Variants in IRAK1BP1 observed in about 807,000 individuals in gnomAD.
The protein encoded by IRAK1BP1 is interleukin-1 receptor-associated kinase 1-binding protein 1.
In IRAK1BP1, 24 loss-of-function variants were observed where a neutral mutation model predicts 28.0. The ratio of observed to expected loss-of-function variants is 0.86; its 90% CI spans 0.62 to 1.20. IRAK1BP1 has a LOEUF of 1.20. Among genes scored for constraint, IRAK1BP1 ranks in the 50% most tolerant of loss-of-function variants. IRAK1BP1 has a pLI of 0.00. For synonymous variants in IRAK1BP1, 131 were observed against 116.3 expected (o/e 1.13, Z -0.81); for missense variants, 336 against 316.7 (o/e 1.06, Z -0.46).
Position 78,867,743 on chromosome 6 carries a change from G to C in IRAK1BP1, c.167G>C (p.Ser56Thr), listed in dbSNP as rs1387164297. ...AQTATREVQVSGTSEVSAGPD... is the reference protein window; with the variant it reads ...AQTATREVQVTGTSEVSAGPD... ...ACTGCTACCCGCGAGGTGCAAGTAAGCGGCACCTCAGAAGTGTCTGCGGGC... is the reference window on the plus strand; with the variant it reads ...ACTGCTACCCGCGAGGTGCAAGTAACCGGCACCTCAGAAGTGTCTGCGGGC... The change falls in exon 1 of 4, where the codon AGC becomes ACC. Residue 56 changes from serine to threonine, a missense_variant. By Grantham distance (58) the Ser-to-Thr change is moderately conservative. Coordinates refer to ENST00000369940, the MANE Select transcript of IRAK1BP1 (RefSeq NM_001010844.4). 1 of 1,614,112 alleles carries C rather than the reference G, an allele frequency of 6.2e-7. No homozygotes were observed. The highest frequency in any genetic ancestry group is 8.5e-7 in the Non-Finnish European group (1 of 1,180,048).
At chr6:78,894,642 A>G (rs1490774852) in intron 2 of IRAK1BP1, among the ~76,000 whole-genome samples, 1 of 152,194 alleles carries the variant, frequency 6.6e-6, no homozygotes, top group Admixed American at 6.5e-5. Flanking sequence ...CCCCCTTTTC[A>G]GTAGTTGATA....
intron 4 of IRAK1BP1, among the ~76,000 whole-genome samples, chr6:78,923,117 G>T (rs146803704): frequency 0.014 from 2,150 of 152,006 alleles, 37 homozygotes; most frequent in Middle Eastern, 0.048. Flanking sequence ...CAATTAAAAG[G>T]CACAGACTGG....
intron 4 of IRAK1BP1, among the ~76,000 whole-genome samples, chr6:78,934,029 T>C (rs1773164641): frequency 6.6e-6 from 1 of 152,206 alleles, no homozygotes; most frequent in Admixed American, 6.5e-5. Context: ...GAGACTCTTC[T>C]ATTCACTTGA....
intron 1 of IRAK1BP1, among the ~76,000 whole-genome samples, chr6:78,875,643 C>G (rs112444851): frequency 0.011 from 1,697 of 152,236 alleles, 33 homozygotes; most frequent in African/African-American, 0.039. Context: ...ACCACATATT[C>G]TCACTTATAA....
chr6:78,949,276 G>C (rs747876423), downstream of IRAK1BP1, among the ~76,000 whole-genome samples: 18 of 152,014 alleles, frequency 1.2e-4, no homozygotes, highest in Admixed American at 3.9e-4. Context: ...CTGGTACCTG[G>C]GGGGCCTTAC....
the IRAK1BP1 span, among the ~76,000 whole-genome samples, chr6:78,953,857 A>C: frequency 6.6e-6 from 1 of 152,260 alleles, no homozygotes; most frequent in African/African-American, 2.4e-5. Context: ...AAGTGCTGGG[A>C]TTACAGGTGT....
the IRAK1BP1 span, chr6:78,969,808 T>C: frequency 1.7e-5 from 19 of 1,131,994 alleles, no homozygotes; most frequent in African/African-American, 2.8e-4. Context: ...ACATCAAACA[T>C]CGATAGCTTC....
intron 4 of IRAK1BP1, among the ~76,000 whole-genome samples, chr6:78,927,964 T>C (rs944262881): frequency 2.0e-5 from 3 of 152,324 alleles, no homozygotes; most frequent in East Asian, 3.9e-4. Flanking sequence ...TGGAGTCAGA[T>C]AATGTGATTC....
chr6:78,949,315 G>A (rs12529691), downstream of IRAK1BP1, among the ~76,000 whole-genome samples: 3,954 of 152,030 alleles, frequency 0.026, 78 homozygotes, highest in South Asian at 0.097. Flanking sequence ...CCCCTTCCTG[G>A]GCAGTCTTAG....
exon 5 of IRAK1BP1, chr6:78,946,036 G>C: frequency 6.2e-7 from 1 of 1,610,676 alleles, no homozygotes; most frequent in Non-Finnish European, 8.5e-7. Context: ...ATTAGCTTTT[G>C]TAATAAAAGT....
rs181896651 is a variant in IRAK1BP1 at position 78,871,516 on chromosome 6, C to T, written c.315+3625C>T. On this transcript the variant is annotated intron_variant, in intron 1 of 3. Coordinates refer to ENST00000369940, the MANE Select transcript of IRAK1BP1 (RefSeq NM_001010844.4). ...CACAGGAACAGCAGACGAGAACTTACCTTACATCATGACACATCAAGGCAT... is the reference window on the plus strand; with the variant it reads ...CACAGGAACAGCAGACGAGAACTTATCTTACATCATGACACATCAAGGCAT... 582 of 985,450 alleles carry T rather than the reference C, an allele frequency of 5.9e-4. 6 individuals are homozygous for T. In the Middle Eastern group the frequency reaches 7.8e-3, roughly 13 times the overall value. 61.0% of individuals were successfully genotyped at this position (985,450 alleles called of 1,614,324 possible).
At chr6:78,926,834 A>G (rs1229491184) in intron 4 of IRAK1BP1, among the ~76,000 whole-genome samples, 2 of 152,096 alleles carry the variant, frequency 1.3e-5, no homozygotes, top group African/African-American at 4.8e-5. Flanking sequence ...TTCCCTTAAC[A>G]TGATGACCTC....
At chr6:78,896,608 G>A (rs1435013732) in intron 2 of IRAK1BP1, among the ~76,000 whole-genome samples, 1 of 152,120 alleles carries the variant, frequency 6.6e-6, no homozygotes. Flanking sequence ...TTTTAGGGGT[G>A]TTGGAACAGG....
chr6:78,939,077 A>T (rs1285962716), intron 4 of IRAK1BP1: 1 of 151,774 alleles, frequency 6.6e-6, no homozygotes, highest in Non-Finnish European at 1.5e-5. Context: ...TACATTCTTT[A>T]AATTTTTAAA....
At chr6:78,921,641 G>T (rs1772731711) in intron 4 of IRAK1BP1, among the ~76,000 whole-genome samples, 1 of 152,200 alleles carries the variant, frequency 6.6e-6, no homozygotes, top group African/African-American at 2.4e-5. Flanking sequence ...GTGGGTCCCT[G>T]ACCCACGAGT....
At chr6:78,918,942 C>G (rs185831789) in intron 4 of IRAK1BP1, among the ~76,000 whole-genome samples, 14 of 152,312 alleles carry the variant, frequency 9.2e-5, no homozygotes, top group African/African-American at 2.6e-4. Context: ...AGATTGACCA[C>G]ATGCTTGGCC....
intron 2 of IRAK1BP1, among the ~76,000 whole-genome samples, chr6:78,893,308 G>GTATATATA (rs1247307680): frequency 1.1e-5 from 1 of 87,796 alleles, no homozygotes; most frequent in Non-Finnish European, 2.2e-5. Flanking sequence ...GTGTGTGTGT[G>GTATATATA]TGTGTGTATA....
chr6:78,910,997 G>A (rs1477773859), intron 4 of IRAK1BP1, among the ~76,000 whole-genome samples: 2 of 152,224 alleles, frequency 1.3e-5, no homozygotes, highest in African/African-American at 2.4e-5. Context: ...CTTGTGCGGT[G>A]ACGCCCATGC....
Position 78,902,123 on chromosome 6 carries a change from A to T in IRAK1BP1, c.*3789A>T, listed in dbSNP as rs1772124858. ...AGACATTTACTATTACATATATGGT[A>T]TTTGCAACCAAATCACTGAGTTTGT... On this transcript the variant is annotated 3_prime_UTR_variant, in exon 4 of 4. Coordinates refer to ENST00000369940, the MANE Select transcript of IRAK1BP1 (RefSeq NM_001010844.4). 1 of 152,196 alleles carries T rather than the reference A, an allele frequency of 6.6e-6. No homozygotes were observed. Among genetic ancestry groups the T allele is most frequent in the Admixed American group, 6.5e-5 (1 of 15,276 alleles). The allele number at this position is 152,196 out of a possible 1,614,324, so 9.4% of individuals were successfully genotyped here. A position where few individuals can be genotyped will look rare whatever the true frequency, so the allele number is the denominator to read the frequency against.
Sources: gnomAD v4.1 joint callset for allele counts (sites outside exome capture counted in the v4.1 genomes callset) on GRCh38, gnomAD v4.1.1 for gene constraint, MANE v1.5 for transcripts, NCBI Gene and HGNC (gene_info 2026-07-23, HGNC 2026-07-21) for gene names.